The following EHBP1 variants were observed in gnomAD, a reference collection of about 807,000 sequenced individuals.
EHBP1 encodes the protein EH domain binding protein 1.
A neutral mutation model predicts 144.0 loss-of-function variants in EHBP1; 55 were observed. That is an observed-to-expected ratio of 0.38 (90% confidence interval 0.31 to 0.48). The LOEUF is 0.48. Ranked by LOEUF, EHBP1 falls within the 20% of genes least tolerant of loss-of-function variation. EHBP1 has a pLI of 0.98. For synonymous variants in EHBP1, 469 were observed against 472.7 expected (o/e 0.99, Z 0.10); for missense variants, 1,200 against 1,364.2 (o/e 0.88, Z 1.90).
chr2:62,947,026 C>G (rs1026026313), intron 12 of EHBP1, among the ~76,000 whole-genome samples: 9 of 152,080 alleles, frequency 5.9e-5, no homozygotes, highest in African/African-American at 1.7e-4. Context: ...TGGTGCTTTC[C>G]CTGATGGCCT....
intron 19 of EHBP1, among the ~76,000 whole-genome samples, chr2:63,028,395 G>A (rs918659492): frequency 3.9e-5 from 6 of 152,084 alleles, no homozygotes; most frequent in African/African-American, 1.4e-4. Flanking sequence ...GAAACTGGAG[G>A]CTCTGGAGAC....
chr2:62,943,331 G>A (rs1045718794), intron 11 of EHBP1, among the ~76,000 whole-genome samples: 15 of 138,696 alleles, frequency 1.1e-4, no homozygotes, highest in Admixed American at 4.0e-4. Flanking sequence ...AGCCAAGATC[G>A]TGCCATTGCA....
chr2:63,010,821 G>A (rs2060232492), intron 19 of EHBP1, among the ~76,000 whole-genome samples: 1 of 151,470 alleles, frequency 6.6e-6, no homozygotes, highest in East Asian at 1.9e-4. Context: ...ATCCTTAGTA[G>A]GATTATTAAC....
chr2:62,924,770 C>G (rs937049278), intron 10 of EHBP1, among the ~76,000 whole-genome samples: 3 of 152,128 alleles, frequency 2.0e-5, no homozygotes, highest in Non-Finnish European at 2.9e-5. Flanking sequence ...TCTACCCAAC[C>G]CTTAAAGAAG....
At chr2:62,997,238 G>A (rs1006768691) in intron 19 of EHBP1, among the ~76,000 whole-genome samples, 2 of 151,894 alleles carry the variant, frequency 1.3e-5, no homozygotes, top group African/African-American at 2.4e-5. Flanking sequence ...CAAGAGAACA[G>A]GTTTTTAAAA....
intron 15 of EHBP1, chr2:62,987,873 G>C (rs1049857936): frequency 2.1e-6 from 2 of 950,444 alleles, no homozygotes; most frequent in African/African-American, 3.5e-5. Context: ...TTAGTGTTTT[G>C]GATGAATGAT....
At chr2:62,742,528 A>G (rs181229518) in intron 2 of EHBP1, among the ~76,000 whole-genome samples, 2 of 152,204 alleles carry the variant, frequency 1.3e-5, no homozygotes, top group East Asian at 3.9e-4. Flanking sequence ...GAAAAAAATG[A>G]GTGGTCTGAA....
At chr2:62,715,990 C>T (rs1482910164) in intron 2 of EHBP1, among the ~76,000 whole-genome samples, 1 of 152,188 alleles carries the variant, frequency 6.6e-6, no homozygotes, top group South Asian at 2.1e-4. Context: ...AGTAAGAGAA[C>T]ATCTTGCTCT....
chr2:63,002,441 TA>T (rs919285554), intron 19 of EHBP1, among the ~76,000 whole-genome samples: 101 of 152,178 alleles, frequency 6.6e-4, no homozygotes, highest in African/African-American at 2.3e-3. Flanking sequence ...CTCAGCTATT[TA>T]AAAAAGTATA....
rs187513452 is a variant in EHBP1 at position 62,710,403 on chromosome 2, G to A, written c.104+3108G>A. Among the ~76,000 whole-genome samples the A allele has an allele frequency of 9.9e-5, 15 of 151,694 alleles. No individual in the cohort carries two copies. In the East Asian group the frequency reaches 2.9e-3, roughly 29 times the overall value. On this transcript the variant is annotated intron_variant, in intron 2 of 22. Coordinates refer to ENST00000431489, the MANE Select transcript of EHBP1 (RefSeq NM_001142616.3). Reference sequence around the variant, plus strand: ...CTTCCATCTAATTCTTAGTTGTGGTGGGAGGACTAAAAATATTCAGAGTGC... The same window carrying A: ...CTTCCATCTAATTCTTAGTTGTGGTAGGAGGACTAAAAATATTCAGAGTGC...
At chr2:62,954,019 A>G (rs1274028380) in intron 13 of EHBP1, among the ~76,000 whole-genome samples, 1 of 152,234 alleles carries the variant, frequency 6.6e-6, no homozygotes, top group African/African-American at 2.4e-5. Flanking sequence ...GCCATGTGCC[A>G]GTGCTCAGTA....
chr2:62,787,090 C>A (rs1052547469), intron 5 of EHBP1, among the ~76,000 whole-genome samples: 1 of 152,116 alleles, frequency 6.6e-6, no homozygotes, highest in African/African-American at 2.4e-5. Flanking sequence ...TCTGACAAGA[C>A]GCTGTCTTTC....
intron 19 of EHBP1, among the ~76,000 whole-genome samples, chr2:63,033,009 A>T (rs2061324988): frequency 1.3e-5 from 2 of 152,178 alleles, no homozygotes; most frequent in African/African-American, 2.4e-5. Flanking sequence ...CTGTTTGAGG[A>T]TATTGTTGGA....
chr2:63,045,750 G>A lies in EHBP1; in HGVS notation c.*250G>A, dbSNP rs1426094328. On this transcript the variant is annotated 3_prime_UTR_variant, in exon 23 of 23. Coordinates refer to ENST00000431489, the MANE Select transcript of EHBP1 (RefSeq NM_001142616.3). The surrounding 1 kb of genome is among the most constrained non-coding windows in gnomAD (Gnocchi z 5.7). Reference sequence around the variant, plus strand: ...CCTTGAAATCCTGTGAAATAGATTTGCACAGACACCTTGTGAGTGATTGGT... The same window carrying A: ...CCTTGAAATCCTGTGAAATAGATTTACACAGACACCTTGTGAGTGATTGGT... 1 of 448,346 alleles carries A rather than the reference G, an allele frequency of 2.2e-6. No homozygotes were observed. The highest frequency in any genetic ancestry group is 4.1e-6 in the Non-Finnish European group (1 of 245,426). 27.8% of individuals were successfully genotyped at this position (448,346 alleles called of 1,614,324 possible). A position where few individuals can be genotyped will look rare whatever the true frequency, so the allele number is the denominator to read the frequency against.
chr2:62,792,764 T>A (rs544550062), intron 5 of EHBP1, among the ~76,000 whole-genome samples: 51 of 152,244 alleles, frequency 3.3e-4, no homozygotes, highest in African/African-American at 1.2e-3. Flanking sequence ...CCAATTGATT[T>A]CACTCTCAGT....
intron 12 of EHBP1, among the ~76,000 whole-genome samples, chr2:62,944,779 A>G (rs1393607274): frequency 6.6e-6 from 1 of 152,108 alleles, no homozygotes; most frequent in African/African-American, 2.4e-5. Context: ...TTATCTGTTT[A>G]CCCCAGCACA....
intron 5 of EHBP1, among the ~76,000 whole-genome samples, chr2:62,788,832 C>T (rs2042986276): frequency 6.6e-6 from 1 of 152,176 alleles, no homozygotes; most frequent in Non-Finnish European, 1.5e-5. Flanking sequence ...CATGCTGTGA[C>T]CCTGTTAGAT....
chr2:62,841,088 G>C (rs896409291), intron 7 of EHBP1, among the ~76,000 whole-genome samples: 16 of 152,042 alleles, frequency 1.1e-4, no homozygotes, highest in Non-Finnish European at 1.8e-4. Flanking sequence ...TTGGAACCAA[G>C]CCAAATGTCC....
At chr2:62,903,960 C>T (rs2053610576) in intron 10 of EHBP1, among the ~76,000 whole-genome samples, 1 of 152,176 alleles carries the variant, frequency 6.6e-6, no homozygotes, top group African/African-American at 2.4e-5. Flanking sequence ...ATCTTACTTC[C>T]ACCACCAGCA....
Sources: gnomAD v4.1 joint callset for allele counts (sites outside exome capture counted in the v4.1 genomes callset) on GRCh38, gnomAD v4.1.1 for gene constraint, Gnocchi (gnomAD v3.1) non-coding constraint, MANE v1.5 for transcripts, NCBI Gene and HGNC (gene_info 2026-07-23, HGNC 2026-07-21) for gene names.